The following LRRTM4 variants were observed in gnomAD, a reference collection of about 807,000 sequenced individuals.
The protein encoded by LRRTM4 is leucine rich repeat transmembrane neuronal 4, also known as leucine-rich repeat transmembrane neuronal protein 4.
Under a neutral mutation model 47.6 loss-of-function variants are expected in LRRTM4, and 25 were observed. That is an observed-to-expected ratio of 0.53 (90% CI 0.38 to 0.73). The LOEUF is 0.73. Ranked by LOEUF, LRRTM4 falls within the 30% of genes least tolerant of loss-of-function variation. LRRTM4 has a pLI of 0.00. For missense variants in LRRTM4, 638 were observed against 713.4 expected (o/e 0.89, Z 1.20); for synonymous variants, 311 against 269.5 (o/e 1.15, Z -1.51).
Position 77,140,665 on chromosome 2 carries a change from A to G in LRRTM4, c.1551+377653T>C, listed in dbSNP as rs569750463. 1.2e-4 allele frequency among the ~76,000 whole-genome samples: 18 copies of G among 152,340 alleles called. No individual in the cohort carries two copies. In the South Asian group the frequency reaches 3.7e-3, roughly 32 times the overall value. The stretch of plus-strand genomic sequence containing the variant: ...TAAAGAGCTTCTGCACAGCAAAAGA[A>G]ACTACCATCACAGTGAACAGGCAAC... On this transcript the variant is annotated intron_variant, in intron 3 of 3. Transcript: ENST00000409884.
chr2:76,861,520 C>T (rs1466087802), intron 3 of LRRTM4, among the ~76,000 whole-genome samples: 1 of 152,050 alleles, frequency 6.6e-6, no homozygotes, highest in African/African-American at 2.4e-5. Flanking sequence ...GCTTTCTGAG[C>T]TCTAGTACAA....
At chr2:77,074,216 G>A (rs1680258854) in intron 3 of LRRTM4, among the ~76,000 whole-genome samples, 1 of 152,034 alleles carries the variant, frequency 6.6e-6, no homozygotes, top group Non-Finnish European at 1.5e-5. Flanking sequence ...ATTTATACTT[G>A]TTATAACATA....
chr2:77,054,251 A>G (rs1168584594), intron 3 of LRRTM4, among the ~76,000 whole-genome samples: 6 of 151,690 alleles, frequency 4.0e-5, no homozygotes, highest in Non-Finnish European at 8.8e-5. Flanking sequence ...TTTAGAAGCC[A>G]CAAGTAATGG....
At chr2:77,047,501 C>T (rs531688511) in intron 3 of LRRTM4, among the ~76,000 whole-genome samples, 2 of 151,922 alleles carry the variant, frequency 1.3e-5, no homozygotes, top group Admixed American at 6.6e-5. Context: ...CGTGCACTTC[C>T]GGTGGTTTGC....
intron 3 of LRRTM4, among the ~76,000 whole-genome samples, chr2:77,176,941 TAAAG>T (rs1367134205): frequency 1.3e-5 from 2 of 152,092 alleles, no homozygotes; most frequent in African/African-American, 4.8e-5. Flanking sequence ...ATTAATATAA[TAAAG>T]AAACTCCCAC....
chr2:77,261,007 G>T (rs1675905258), intron 3 of LRRTM4, among the ~76,000 whole-genome samples: 1 of 151,708 alleles, frequency 6.6e-6, no homozygotes. Flanking sequence ...ATAAGTCTTA[G>T]GCAGACACAA....
At chr2:77,310,613 G>A (rs945945560) in intron 3 of LRRTM4, among the ~76,000 whole-genome samples, 1 of 152,112 alleles carries the variant, frequency 6.6e-6, no homozygotes, top group African/African-American at 2.4e-5. Flanking sequence ...AGCATGGAGA[G>A]ACTGTTATTT....
In LRRTM4 at chr2:76,963,424, T is replaced by C. The variant is rs190728256; in HGVS notation, c.1552-214508A>G. Among the ~76,000 whole-genome samples, 13 of 150,948 alleles carry C rather than the reference T, an allele frequency of 8.6e-5. No homozygotes were observed. The East Asian group carries it at 2.5e-3, about 30-fold the overall frequency. ...ATTGATCAAGTGATTAAAACAGATT[T>C]CTCATCAGAAAATGGCTAAACCACA... On this transcript the variant is annotated intron_variant, in intron 3 of 3. Coordinates refer to ENST00000409884, the MANE Select transcript of LRRTM4 (RefSeq NM_001134745.3).
At chr2:77,459,401 T>C (rs138258347) in intron 3 of LRRTM4, among the ~76,000 whole-genome samples, 17 of 152,250 alleles carry the variant, frequency 1.1e-4, no homozygotes, top group African/African-American at 4.1e-4. Flanking sequence ...TTTAAATAAA[T>C]AGATATACAG....
intron 3 of LRRTM4, among the ~76,000 whole-genome samples, chr2:77,003,444 A>G (rs1677511958): frequency 1.3e-5 from 2 of 152,104 alleles, no homozygotes; most frequent in South Asian, 2.1e-4. Flanking sequence ...AATCATGCAG[A>G]TGGGTTTTTT....
chr2:76,875,362 T>A (rs1321708123), intron 3 of LRRTM4, among the ~76,000 whole-genome samples: 1 of 152,134 alleles, frequency 6.6e-6, no homozygotes, highest in East Asian at 1.9e-4. Context: ...ATGGTTTACA[T>A]AAACTTTGTA....
At chr2:76,972,417 T>C (rs947114546) in intron 3 of LRRTM4, among the ~76,000 whole-genome samples, 2 of 114,964 alleles carry the variant, frequency 1.7e-5, no homozygotes, top group Admixed American at 9.1e-5. Flanking sequence ...GAACACTTTT[T>C]TTTTTTTTTT....
intron 3 of LRRTM4, among the ~76,000 whole-genome samples, chr2:77,235,491 C>A (rs1201016849): frequency 6.6e-6 from 1 of 152,186 alleles, no homozygotes; most frequent in East Asian, 1.9e-4. Flanking sequence ...TTGATAGTTT[C>A]TTTTGCTGTA....
At chr2:77,333,404 T>C (rs568647599) in intron 3 of LRRTM4, among the ~76,000 whole-genome samples, 2 of 152,254 alleles carry the variant, frequency 1.3e-5, no homozygotes, top group East Asian at 3.9e-4. Flanking sequence ...ATGCTGATAA[T>C]GATATGGACA....
At chr2:77,437,089 A>C (rs1675630108) in intron 3 of LRRTM4, among the ~76,000 whole-genome samples, 1 of 152,060 alleles carries the variant, frequency 6.6e-6, no homozygotes, top group African/African-American at 2.4e-5. Context: ...CAATATAGTG[A>C]ATTTGCTAAG....
intron 3 of LRRTM4, among the ~76,000 whole-genome samples, chr2:76,857,521 G>C (rs1485543507): frequency 6.6e-6 from 1 of 151,880 alleles, no homozygotes; most frequent in Non-Finnish European, 1.5e-5. Flanking sequence ...ACTATGCAGG[G>C]AATTGACAAC....
intron 3 of LRRTM4, among the ~76,000 whole-genome samples, chr2:77,007,167 C>CAG (rs1677686409): frequency 6.7e-6 from 1 of 149,844 alleles, no homozygotes; most frequent in African/African-American, 2.5e-5. Flanking sequence ...TATATATATA[C>CAG]ACACACACAC....
chr2:77,057,552 G>A (rs1573511076), intron 3 of LRRTM4, among the ~76,000 whole-genome samples: 1 of 152,144 alleles, frequency 6.6e-6, no homozygotes, highest in Non-Finnish European at 1.5e-5. Flanking sequence ...TTAGTAACAT[G>A]AATTTTAGTA....
At chr2:76,877,106 A>G (rs923931897) in intron 3 of LRRTM4, among the ~76,000 whole-genome samples, 8 of 152,204 alleles carry the variant, frequency 5.3e-5, no homozygotes, top group African/African-American at 1.9e-4. Flanking sequence ...GCTAGCTCTT[A>G]AAACTTTTTG....
Sources: allele counts gnomAD v4.1 joint callset (sites outside exome capture counted in the v4.1 genomes callset), GRCh38; gene constraint gnomAD v4.1.1; transcripts MANE v1.5; gene names NCBI Gene and HGNC (gene_info 2026-07-23, HGNC 2026-07-21).